The following TBC1D15 variants were observed in gnomAD, a reference collection of about 807,000 sequenced individuals.
TBC1D15 encodes GAP for RAB7.
In TBC1D15, 39 loss-of-function variants were observed where a neutral mutation model predicts 95.4. That is an observed-to-expected ratio of 0.41 (90% CI 0.32 to 0.53). The LOEUF is 0.53. Among genes scored for constraint, TBC1D15 ranks in the 20% least tolerant of loss-of-function variants. TBC1D15 has a pLI of 0.29. For missense variants in TBC1D15, 733 were observed against 794.3 expected, an observed-to-expected ratio of 0.92 and a Z score of 0.93; for synonymous variants, 258 against 261.3, an observed-to-expected ratio of 0.99 and a Z score of 0.12.
intron 11 of TBC1D15, among the ~76,000 whole-genome samples, chr12:71,911,341 C>T (rs925406845): frequency 1.6e-4 from 25 of 151,998 alleles, no homozygotes; most frequent in Non-Finnish European, 2.6e-4. Flanking sequence ...TATTGTGGCA[C>T]TATTCACAAT....
At chr12:71,864,561 G>A (rs776687001) in intron 1 of TBC1D15, among the ~76,000 whole-genome samples, 2 of 151,610 alleles carry the variant, frequency 1.3e-5, no homozygotes, top group Non-Finnish European at 1.5e-5. Flanking sequence ...AGGCAGGAGT[G>A]CAGTGGCATG....
intron 13 of TBC1D15, among the ~76,000 whole-genome samples, 195 bp from the exon 14 acceptor site, chr12:71,918,256 A>AT (rs1397284059): frequency 5.9e-5 from 9 of 152,220 alleles, no homozygotes; most frequent in Non-Finnish European, 5.9e-5. Flanking sequence ...CTTAAACTTG[A>AT]TTCGTAAAAT....
chr12:71,922,320 G>T (rs1471495017), intron 16 of TBC1D15, among the ~76,000 whole-genome samples: 5 of 152,050 alleles, frequency 3.3e-5, no homozygotes, highest in Non-Finnish European at 7.4e-5. Context: ...CCTGACTTCA[G>T]GTGATCCACC....
At chr12:71,843,034 C>T (rs1196482748) in intron 1 of TBC1D15, among the ~76,000 whole-genome samples, 1 of 151,894 alleles carries the variant, frequency 6.6e-6, no homozygotes, top group Admixed American at 6.6e-5. Context: ...TGCTTGTAAT[C>T]ATCACTTTGG....
chr12:71,852,576 A>G (rs745993319), intron 1 of TBC1D15, among the ~76,000 whole-genome samples: 2 of 152,200 alleles, frequency 1.3e-5, no homozygotes, highest in African/African-American at 2.4e-5. Context: ...TTCTTTGCGT[A>G]TGCATATGAG....
chr12:71,909,832 G>A (rs994394591), intron 11 of TBC1D15, among the ~76,000 whole-genome samples: 2 of 152,062 alleles, frequency 1.3e-5, no homozygotes, highest in Non-Finnish European at 2.9e-5. Context: ...GCATCATTCA[G>A]TTGTACTGCA....
rs755589706 is a variant in TBC1D15, at chr12:71,878,829, TAAAA to T, written c.205-1630_205-1627del. On this transcript the variant is annotated intron_variant, in intron 3 of 16. Coordinates refer to ENST00000485960, the MANE Select transcript of TBC1D15 (RefSeq NM_001146213.3). ...ACTGCACCTGGCCTGAGGGTTGATT[TAAAA>T]AAAAAAAAACTAGTCAAACAAGAAA... Among the ~76,000 whole-genome samples the T allele has an allele frequency of 5.6e-5, 8 of 142,978 alleles. 1 individual carries two copies. In the South Asian group the frequency reaches 1.3e-3, roughly 24 times the overall value. 93.8% of individuals were successfully genotyped at this position (142,978 alleles called of 152,430 possible).
At chr12:71,849,179 C>CA (rs1015053782) in intron 1 of TBC1D15, 2,023 of 184,576 alleles carry the variant, frequency 0.011, 2 homozygotes, top group East Asian at 0.017. Context: ...AAAAAAAAAA[C>CA]AAAAAAAAAA....
rs777428500 is a variant in TBC1D15 at position 71,923,287 on chromosome 12, G to A, written c.*83G>A. 53 of 1,276,788 alleles carry A rather than the reference G, an allele frequency of 4.2e-5. No individual in the cohort carries two copies. Among genetic ancestry groups the A allele is most frequent in the Non-Finnish European group, 5.8e-5 (52 of 891,180 alleles). The allele number at this position is 1,276,788 out of a possible 1,614,324, so 79.1% of individuals were successfully genotyped here. A position where few individuals can be genotyped will look rare whatever the true frequency, so the allele number is the denominator to read the frequency against. ...TGAAAGTTGAAAATTTGAAATCTTGGTATTGATCATGCTTTAAGGTTTATG... is the reference window on the plus strand; with the variant it reads ...TGAAAGTTGAAAATTTGAAATCTTGATATTGATCATGCTTTAAGGTTTATG... On this transcript the variant is annotated 3_prime_UTR_variant, in exon 17 of 17. Transcript: ENST00000485960.
Position 71,893,292 on chromosome 12 carries a change from C to A in TBC1D15, c.625C>A (p.Leu209Ile). The A allele has an allele frequency of 6.2e-7, 1 of 1,609,926 alleles. No individual in the cohort carries two copies. The highest frequency in any genetic ancestry group is 1.1e-5 in the South Asian group (1 of 90,844). Residue 209 changes from leucine to isoleucine, a missense_variant, in exon 6 of 17, where the codon CTT (leucine) becomes ATT (isoleucine). Transcript: ENST00000485960. ...NKSLSQSFEN[L>I]LDEPAYGLIQ... is the part of the protein sequence containing the mutation. ...GAGTCTTTCACAGTCTTTTGAAAAT[C>A]TTCTTGATGAGCCAGCATATGGTTT...
intron 4 of TBC1D15, among the ~76,000 whole-genome samples, chr12:71,880,969 A>G (rs897380810): frequency 6.6e-6 from 1 of 152,224 alleles, no homozygotes; most frequent in Non-Finnish European, 1.5e-5. Context: ...CCACTAAATC[A>G]TACCATTCTA....
intron 1 of TBC1D15, among the ~76,000 whole-genome samples, chr12:71,862,447 T>C (rs899196228): frequency 2.0e-5 from 3 of 152,232 alleles, no homozygotes; most frequent in African/African-American, 7.2e-5. Context: ...TTTGTCTCTT[T>C]CTACAGTTTT....
At chr12:71,906,687 CT>C (rs1254292330) in intron 10 of TBC1D15, among the ~76,000 whole-genome samples, 1 of 149,576 alleles carries the variant, frequency 6.7e-6, no homozygotes, top group African/African-American at 2.5e-5. Flanking sequence ...GCATTAATGA[CT>C]GGCATTTTTG....
At chr12:71,914,898 T>G (rs1285629216) in intron 12 of TBC1D15, among the ~76,000 whole-genome samples, 1 of 152,052 alleles carries the variant, frequency 6.6e-6, no homozygotes, top group Non-Finnish European at 1.5e-5. Context: ...CTTCAAATTT[T>G]CCCTGCTTGT....
At chr12:71,895,852 G>A in intron 7 of TBC1D15, 95 bp from the exon 8 acceptor site, 1 of 1,188,772 alleles carries the variant, frequency 8.4e-7, no homozygotes, top group Non-Finnish European at 1.2e-6. Flanking sequence ...TAGAAGTCAT[G>A]TCTGAAAAAC....
chr12:71,905,042 ACTC>A (rs879432670), intron 10 of TBC1D15, among the ~76,000 whole-genome samples: 1 of 151,976 alleles, frequency 6.6e-6, no homozygotes, highest in Non-Finnish European at 1.5e-5. Context: ...TAACTGAAGT[ACTC>A]CTTTTCAGAA....
chr12:71,906,645 T>A lies in TBC1D15; in HGVS notation c.1184-377T>A, dbSNP rs892270275. On this transcript the variant is annotated intron_variant, in intron 10 of 16. Transcript: ENST00000485960. ...TTAGGTGGTAGCTTTTTTTTTTTTT[T>A]ATTAGTTTTCAAGTACTGGTATCTA... 8.4e-4 allele frequency among the ~76,000 whole-genome samples: 125 copies of A among 149,228 alleles called. 3 individuals carry two copies. The highest frequency in any genetic ancestry group is 3.7e-4 in the Non-Finnish European group (25 of 67,440).
chr12:71,872,202 A>T, intron 2 of TBC1D15, 34 bp downstream of exon 2: 1 of 1,211,796 alleles, frequency 8.3e-7, no homozygotes, highest in South Asian at 1.5e-5. Flanking sequence ...ATTTAATAAT[A>T]GTTTATGGTA....
Position 71,923,236 on chromosome 12 carries a change from T to C in TBC1D15, c.*32T>C, listed in dbSNP as rs1377873162. ...TTCTTGCTTTTTTGGGAAGAGACAC[T>C]TTGTTGCAACCCTTTTTCAAGTACT... On this transcript the variant is annotated 3_prime_UTR_variant, in exon 17 of 17. Coordinates refer to ENST00000485960, the MANE Select transcript of TBC1D15 (RefSeq NM_001146213.3). The C allele has an allele frequency of 6.2e-7, 1 of 1,601,444 alleles. No individual in the cohort carries two copies. Among genetic ancestry groups the C allele is most frequent in the Non-Finnish European group, 8.5e-7 (1 of 1,169,700 alleles).
Sources: gnomAD v4.1 joint callset for allele counts (sites outside exome capture counted in the v4.1 genomes callset) on GRCh38, gnomAD v4.1.1 for gene constraint, MANE v1.5 for transcripts, NCBI Gene and HGNC (gene_info 2026-07-23, HGNC 2026-07-21) for gene names.